The following COG2 variants were observed in gnomAD, a reference collection of about 807,000 sequenced individuals.
COG2 encodes the protein component of oligomeric golgi complex 2.
Under a neutral mutation model 90.6 loss-of-function variants are expected in COG2, and 52 were observed. The ratio of observed to expected loss-of-function variants is 0.57; its 90% CI spans 0.46 to 0.72. The LOEUF (loss-of-function observed/expected upper bound fraction) is 0.72. COG2 is among the 30% of genes least tolerant of loss of function. COG2 has a pLI of 0.00. For synonymous variants in COG2, 337 were observed against 320.4 expected (o/e 1.05, Z -0.55); for missense variants, 829 against 891.2 (o/e 0.93, Z 0.89).
At chr1:230,681,127 T>C (rs959517376) in intron 10 of COG2, 2 of 152,232 alleles carry the variant, frequency 1.3e-5, no homozygotes, top group African/African-American at 2.4e-5. Flanking sequence ...ACATTTCATT[T>C]GCACCTACAG....
intron 4 of COG2, among the ~76,000 whole-genome samples, chr1:230,664,165 G>T (rs1244689801): frequency 6.6e-6 from 1 of 151,924 alleles, no homozygotes. Context: ...CTCCAGCCTG[G>T]GTGATAGAGT....
chr1:230,655,645 A>G (rs962303128), intron 1 of COG2, among the ~76,000 whole-genome samples: 4 of 152,026 alleles, frequency 2.6e-5, no homozygotes, highest in East Asian at 1.9e-4. Context: ...TTCTTTTTCT[A>G]TTGTTTGGAA....
rs551357307 is a variant in COG2 at position 230,642,643 on chromosome 1, G to A, written c.37G>A (p.Asp13Asn). 17 of 1,613,252 alleles carry A rather than the reference G, an allele frequency of 1.1e-5. No homozygotes were observed. The South Asian group carries it at 1.7e-4, about 16-fold the overall frequency. The change falls in exon 1 of 18, where the codon GAC becomes AAC. Residue 13 changes from aspartate (D) to asparagine (N), a missense_variant. Asp to Asn is a conservative substitution (Grantham distance 23, BLOSUM62 1). Transcript: ENST00000366669. ...TAGGATGAACCTGCCCAAGGGGCCGGACACGCTCTGCTTCGACAAGGACGA... is the reference window on the plus strand; with the variant it reads ...TAGGATGAACCTGCCCAAGGGGCCGAACACGCTCTGCTTCGACAAGGACGA... ...KSRMNLPKGP[D>N]TLCFDKDEFM...
intron 1 of COG2, 29 bp from the exon 2 acceptor site, chr1:230,659,435 A>AT: frequency 6.3e-7 from 1 of 1,591,452 alleles, no homozygotes; most frequent in East Asian, 2.2e-5. Context: ...CATTGCTATA[A>AT]TTTTTTCTTC....
chr1:230,669,470 A>T lies in COG2; in HGVS notation c.709A>T (p.Ile237Phe). The change falls in exon 7 of 18, where the codon ATT becomes TTT. Residue 237 changes from isoleucine (I) to phenylalanine (F), a missense_variant. Transcript: ENST00000366669. ...GCACTGCTTGCGGACTTACGCCACG[A>T]TTGACAAGACACGGGACGCGGAGGC... ...IRHCLRTYAT[I>F]DKTRDAEALV... 1 of 1,614,116 alleles carries T rather than the reference A, an allele frequency of 6.2e-7. No individual in the cohort carries two copies. Among genetic ancestry groups the T allele is most frequent in the Non-Finnish European group, 8.5e-7 (1 of 1,179,984 alleles).
chr1:230,688,427 G>A lies in COG2; in HGVS notation c.1659G>A (p.Leu553=), dbSNP rs922536284. 4 of 1,613,742 alleles carry A rather than the reference G, an allele frequency of 2.5e-6. No homozygotes were observed. In the African/African-American group the frequency reaches 5.3e-5, roughly 22 times the overall value. The change falls in exon 15 of 18, where the codon CTG becomes CTA. Residue 553 remains leucine, a synonymous_variant. Transcript: ENST00000366669. The part of the protein sequence containing the change: ...FKNFSSISAA[L]EDSQSSFSAC... ...AGTCTTTAATCTCAACAGCAGCCCT[G>A]GAGGACTCCCAGAGCTCTTTTTCAG...
chr1:230,664,129 C>T (rs1200192315), intron 4 of COG2, among the ~76,000 whole-genome samples: 1 of 151,724 alleles, frequency 6.6e-6, no homozygotes, highest in African/African-American at 2.4e-5. Context: ...GTTGAGGCTG[C>T]AGTGAGCCAA....
chr1:230,685,897 A>G (rs1662873918), intron 12 of COG2, among the ~76,000 whole-genome samples: 1 of 152,326 alleles, frequency 6.6e-6, no homozygotes, highest in African/African-American at 2.4e-5. Context: ...TAAACCAGTC[A>G]TCGCAGTGTG....
chr1:230,648,335 C>T lies in COG2; in HGVS notation c.72+5657C>T, dbSNP rs183556983. 3.9e-5 allele frequency among the ~76,000 whole-genome samples: 6 copies of T among 152,350 alleles called. No individual in the cohort carries two copies. In the East Asian group the frequency reaches 9.6e-4, roughly 24 times the overall value. On this transcript the variant is annotated intron_variant, in intron 1 of 17. Transcript: ENST00000366669. ...CCGGGCACAGCATGTGCCATCATTTCACAGCAACTAAAATGCTGACCTTAC... is the reference window on the plus strand; with the variant it reads ...CCGGGCACAGCATGTGCCATCATTTTACAGCAACTAAAATGCTGACCTTAC...
At chr1:230,684,098 CTT>C (rs2102770378) in intron 11 of COG2, among the ~76,000 whole-genome samples, 1 of 152,122 alleles carries the variant, frequency 6.6e-6, no homozygotes, top group East Asian at 1.9e-4. Flanking sequence ...AGCCTGACTT[CTT>C]TTTTTAATAA....
chr1:230,690,398 C>A, intron 16 of COG2: 1 of 371,106 alleles, frequency 2.7e-6, no homozygotes, highest in Non-Finnish European at 4.9e-6. Flanking sequence ...CACAGTGCCC[C>A]CGCATCTCCA....
intron 15 of COG2, 123 bp downstream of exon 15, chr1:230,688,685 A>G: frequency 9.2e-7 from 1 of 1,090,288 alleles, no homozygotes; most frequent in South Asian, 1.4e-5. Flanking sequence ...AGCTCATCCC[A>G]TTCTGAGAAT....
intron 7 of COG2, chr1:230,670,471 CATTTT>C (rs1662421885): frequency 6.6e-6 from 1 of 152,116 alleles, no homozygotes; most frequent in South Asian, 2.1e-4. Flanking sequence ...TGTAGGGACT[CATTTT>C]AATAATTATT....
rs774830610 is a variant in COG2 at position 230,669,397 on chromosome 1, A to C, written c.636A>C (p.Glu212Asp). Residue 212 changes from glutamate (E) to aspartate (D), a missense_variant, in exon 7 of 18, where the codon GAA becomes GAC. Coordinates refer to ENST00000366669, the MANE Select transcript of COG2 (RefSeq NM_007357.3). ...GITAMLQQSL[E>D]GLLLEGLQTS... ...CAGCCATGTTACAGCAGTCACTGGA[A>C]GGTCTCCTATTAGAAGGCCTTCAGA... 6.2e-7 allele frequency: 1 copy of C among 1,614,030 alleles called. No individual in the cohort carries two copies. Among genetic ancestry groups the C allele is most frequent in the East Asian group, 2.2e-5 (1 of 44,880 alleles).
At position 230,693,307 on chromosome 1, in the gene COG2, C is replaced by T; in HGVS notation, c.2131C>T (p.Leu711=). 1 of 1,612,380 alleles carries T rather than the reference C, an allele frequency of 6.2e-7. No homozygotes were observed. Among genetic ancestry groups the T allele is most frequent in the Non-Finnish European group, 8.5e-7 (1 of 1,178,668 alleles). ...GCCTTTGCAGATACAAAAGTTGGGA[C>T]TACAAGCAAGTGACATAAAAAGCTT... The part of the protein sequence containing the change: ...YLGEQIQKLG[L]QASDIKSFSA... Residue 711 remains leucine (L), a synonymous_variant, in exon 18 of 18, where the codon CTA becomes TTA. Coordinates refer to ENST00000366669, the MANE Select transcript of COG2 (RefSeq NM_007357.3).
chr1:230,658,810 C>T (rs553610113), intron 1 of COG2, among the ~76,000 whole-genome samples: 3 of 152,276 alleles, frequency 2.0e-5, no homozygotes, highest in Non-Finnish European at 2.9e-5. Context: ...CAGTGCACTC[C>T]GCAAGCTCCT....
chr1:230,677,154 A>G (rs960021137), intron 9 of COG2, among the ~76,000 whole-genome samples: 5 of 151,824 alleles, frequency 3.3e-5, no homozygotes, highest in African/African-American at 1.2e-4. Context: ...TATCCTCTGT[A>G]TTTGCTGCAT....
intron 1 of COG2, among the ~76,000 whole-genome samples, chr1:230,655,719 G>A (rs942388585): frequency 1.3e-5 from 2 of 152,146 alleles, no homozygotes; most frequent in African/African-American, 2.4e-5. Context: ...CTGTGAATCC[G>A]TCTGGTCCTG....
intron 1 of COG2, among the ~76,000 whole-genome samples, chr1:230,643,192 T>A (rs182690066): frequency 6.6e-6 from 1 of 152,388 alleles, no homozygotes; most frequent in Non-Finnish European, 1.5e-5. Flanking sequence ...ACTATTGCAG[T>A]ACGACAAAGC....
Sources: allele counts gnomAD v4.1 joint callset (sites outside exome capture counted in the v4.1 genomes callset), GRCh38; gene constraint gnomAD v4.1.1; transcripts MANE v1.5; gene names NCBI Gene and HGNC (gene_info 2026-07-23, HGNC 2026-07-21).